SOX6: variants seen among roughly 807,000 people sequenced by gnomAD.
SOX6 encodes the protein transcription factor SOX-6.
SOX6 carries 11 observed loss-of-function variants against 97.8 expected under a neutral mutation model. The ratio of observed to expected loss-of-function variants is 0.11; its 90% CI spans 0.07 to 0.19. The LOEUF is 0.19. Ranked by LOEUF, SOX6 falls within the 10% of genes least tolerant of loss-of-function variation. The pLI is 1.00. For synonymous variants in SOX6, 360 were observed against 371.4 expected, an observed-to-expected ratio of 0.97 and a Z score of 0.35; for missense variants, 810 against 1,039.5, an observed-to-expected ratio of 0.78 and a Z score of 3.04.
chr11:16,274,420 T>C (rs938411343), intron 3 of SOX6, among the ~76,000 whole-genome samples: 12 of 152,270 alleles, frequency 7.9e-5, no homozygotes, highest in Non-Finnish European at 1.5e-4. Flanking sequence ...AAGAATGATA[T>C]CTATCTAATA....
At chr11:16,293,978 TAAAC>T (rs765926780) in intron 3 of SOX6, among the ~76,000 whole-genome samples, 1 of 151,922 alleles carries the variant, frequency 6.6e-6, no homozygotes, top group African/African-American at 2.4e-5. Context: ...TTTCTACACA[TAAAC>T]TAATTACTGG....
At chr11:16,630,905 C>A (rs1324953254) in intron 3 of SOX6, among the ~76,000 whole-genome samples, 1 of 152,042 alleles carries the variant, frequency 6.6e-6, no homozygotes, top group East Asian at 1.9e-4. Context: ...GAACAGTGAT[C>A]CCTATTCTTT....
chr11:16,542,179 C>A (rs1861419685), intron 4 of SOX6, among the ~76,000 whole-genome samples: 1 of 152,122 alleles, frequency 6.6e-6, no homozygotes, highest in Admixed American at 6.6e-5. Flanking sequence ...ATGGATGAAG[C>A]TGGAAACCAT....
rs565424171 is a variant in SOX6, at chr11:16,134,845, A to G, written c.778-22922T>C. ...AATTAGGCCAATTAATAACTCTACAATGGCCTCTAAGTGTTCAAGTGAAAG... is the reference window on the plus strand; with the variant it reads ...AATTAGGCCAATTAATAACTCTACAGTGGCCTCTAAGTGTTCAAGTGAAAG... On this transcript the variant is annotated intron_variant, in intron 6 of 15. Transcript: ENST00000683767. 1.3e-3 allele frequency among the ~76,000 whole-genome samples: 204 copies of G among 152,290 alleles called. 1 individual carries two copies. The highest frequency in any genetic ancestry group is 4.6e-3 in the African/African-American group (190 of 41,558).
chr11:16,488,779 T>G (rs1403914979), intron 4 of SOX6, among the ~76,000 whole-genome samples: 1 of 152,224 alleles, frequency 6.6e-6, no homozygotes, highest in Non-Finnish European at 1.5e-5. Context: ...CTTATCATTT[T>G]ACTGTATCTT....
chr11:16,536,020 A>G (rs891651940), intron 4 of SOX6, among the ~76,000 whole-genome samples: 4 of 152,190 alleles, frequency 2.6e-5, no homozygotes, highest in Non-Finnish European at 5.9e-5. Flanking sequence ...GTTATTTTCC[A>G]TCTTGCTAGG....
At chr11:16,534,704 A>G (rs1226478488) in intron 4 of SOX6, among the ~76,000 whole-genome samples, 7 of 152,108 alleles carry the variant, frequency 4.6e-5, no homozygotes. Flanking sequence ...CCCCAAGAAC[A>G]AACTGTCCTC....
At chr11:16,589,437 A>G (rs1452995445) in intron 4 of SOX6, among the ~76,000 whole-genome samples, 1 of 152,192 alleles carries the variant, frequency 6.6e-6, no homozygotes, top group East Asian at 1.9e-4. Flanking sequence ...AGATAATATA[A>G]TCTAGTTTTT....
rs536225943 is a variant in SOX6, at chr11:16,247,107, T to C, written c.446-12436A>G. On this transcript the variant is annotated intron_variant, in intron 3 of 15. Transcript: ENST00000683767. ...GGTAATCATCATTCTACTATCTATGTCCGTGAGTTCATTTGTTTTTTAAGC... is the reference window on the plus strand; with the variant it reads ...GGTAATCATCATTCTACTATCTATGCCCGTGAGTTCATTTGTTTTTTAAGC... Among the ~76,000 whole-genome samples, 184 of 152,320 alleles carry C rather than the reference T, an allele frequency of 1.2e-3. 1 individual carries two copies. The highest frequency in any genetic ancestry group is 2.3e-3 in the Non-Finnish European group (155 of 68,022).
intron 3 of SOX6, among the ~76,000 whole-genome samples, chr11:16,714,136 C>A (rs569179803): frequency 5.3e-5 from 8 of 152,034 alleles, no homozygotes; most frequent in Non-Finnish European, 1.2e-4. Context: ...TGACTTTTAG[C>A]ATTGCAACAC....
intron 3 of SOX6, among the ~76,000 whole-genome samples, chr11:16,659,894 A>T (rs1564861943): frequency 6.6e-6 from 1 of 152,134 alleles, no homozygotes; most frequent in East Asian, 1.9e-4. Flanking sequence ...TTCATATGTT[A>T]TCAAATTTGT....
chr11:15,996,148 T>C lies in SOX6; in HGVS notation c.1733-6918A>G, dbSNP rs550320317. On this transcript the variant is annotated intron_variant, in intron 13 of 15. Transcript: ENST00000683767. Reference sequence around the variant, plus strand: ...ATTTAATACAAAATATAACATCGTATTGTGGGACTTATAACATATAAAAAG... The same window carrying C: ...ATTTAATACAAAATATAACATCGTACTGTGGGACTTATAACATATAAAAAG... Among the ~76,000 whole-genome samples the C allele has an allele frequency of 7.9e-5, 12 of 152,336 alleles. No individual in the cohort carries two copies. The East Asian group carries it at 2.1e-3, about 27-fold the overall frequency.
At chr11:16,723,585 A>G (rs1345535122) in intron 2 of SOX6, among the ~76,000 whole-genome samples, 2 of 152,070 alleles carry the variant, frequency 1.3e-5, no homozygotes, top group Non-Finnish European at 2.9e-5. Context: ...TGAGGAGGGC[A>G]GATCACTTGA....
At chr11:16,071,469 A>T (rs982006450) in intron 9 of SOX6, among the ~76,000 whole-genome samples, 2 of 151,802 alleles carry the variant, frequency 1.3e-5, no homozygotes, top group Non-Finnish European at 2.9e-5. Flanking sequence ...TGAGCAACAC[A>T]TGTTATAACT....
chr11:16,519,746 G>T (rs1240018308), intron 4 of SOX6, among the ~76,000 whole-genome samples: 1 of 152,102 alleles, frequency 6.6e-6, no homozygotes, highest in Non-Finnish European at 1.5e-5. Context: ...TCAGATAACG[G>T]TAGTTTTATT....
At chr11:16,023,484 T>C (rs1855128471) in intron 12 of SOX6, among the ~76,000 whole-genome samples, 1 of 152,138 alleles carries the variant, frequency 6.6e-6, no homozygotes. Flanking sequence ...ATATAAATAA[T>C]TAAAAGACAG....
At position 16,590,736 on chromosome 11, in the gene SOX6, C is replaced by G. The variant is rs1848140186; in HGVS notation, n.609+21345G>C. On this transcript the variant is annotated intron_variant and non_coding_transcript_variant, in intron 4 of 5. Coordinates refer to the SOX6 transcript ENST00000524520. ...ATATGTTATCACTTACATGTGAGAGCTTAAAAAAAAAATTAAAACAATTGA... is the reference window on the plus strand; with the variant it reads ...ATATGTTATCACTTACATGTGAGAGGTTAAAAAAAAAATTAAAACAATTGA... Among the ~76,000 whole-genome samples the G allele has an allele frequency of 2.0e-5, 3 of 151,246 alleles. No homozygotes were observed. The South Asian group carries it at 6.3e-4, about 32-fold the overall frequency.
chr11:16,350,816 T>C (rs1163035432), intron 1 of SOX6, among the ~76,000 whole-genome samples: 1 of 152,146 alleles, frequency 6.6e-6, no homozygotes, highest in Non-Finnish European at 1.5e-5. Context: ...TCATCTGTCT[T>C]GTTCATTGCT....
intron 3 of SOX6, among the ~76,000 whole-genome samples, chr11:16,711,793 T>C (rs1848182787): frequency 6.6e-6 from 1 of 152,080 alleles, no homozygotes; most frequent in South Asian, 2.1e-4. Flanking sequence ...AGTGGTGATT[T>C]GTGAGATTTT....
Sources: allele counts gnomAD v4.1 joint callset (sites outside exome capture counted in the v4.1 genomes callset), GRCh38; gene constraint gnomAD v4.1.1; transcripts MANE v1.5; gene names NCBI Gene and HGNC (gene_info 2026-07-23, HGNC 2026-07-21).